WWOX: variants seen among roughly 807,000 people sequenced by gnomAD.
WWOX encodes the protein WW domain-containing oxidoreductase.
In WWOX, 69 loss-of-function variants were observed where a neutral mutation model predicts 46.2. The ratio of observed to expected loss-of-function variants is 1.49; its 90% CI spans 1.23 to 1.82. The LOEUF (loss-of-function observed/expected upper bound fraction) is 1.82, where lower values mean the gene tolerates loss of function less well. Among genes scored for constraint, WWOX ranks in the 40% most tolerant of loss-of-function variants. The pLI is 0.00. For synonymous variants in WWOX, 359 were observed against 202.6 expected, an observed-to-expected ratio of 1.77 and a Z score of -6.56; for missense variants, 919 against 542.6, an observed-to-expected ratio of 1.69 and a Z score of -6.89.
chr16:78,140,757 C>T (rs1297981955), intron 4 of WWOX, among the ~76,000 whole-genome samples: 2 of 152,158 alleles, frequency 1.3e-5, no homozygotes, highest in East Asian at 1.9e-4. Flanking sequence ...TGCAAAGGCC[C>T]TGTTTCCAAG....
intron 8 of WWOX, chr16:78,890,695 T>G (rs972174625): frequency 1.3e-5 from 2 of 152,254 alleles, no homozygotes; most frequent in African/African-American, 4.8e-5. Flanking sequence ...TGAGCGTGCC[T>G]TGTCTATGGG....
chr16:78,353,565 C>G (rs2081225248), intron 5 of WWOX, among the ~76,000 whole-genome samples: 1 of 152,260 alleles, frequency 6.6e-6, no homozygotes, highest in African/African-American at 2.4e-5. Context: ...TAATCCTTAG[C>G]TATATTCTTG....
At chr16:78,765,537 G>A (rs994063768) in intron 8 of WWOX, among the ~76,000 whole-genome samples, 1 of 152,144 alleles carries the variant, frequency 6.6e-6, no homozygotes. Context: ...AAATTAGCCA[G>A]GTGTGATAGC....
chr16:79,196,871 G>A (rs1400943292), intron 8 of WWOX, among the ~76,000 whole-genome samples: 1 of 152,152 alleles, frequency 6.6e-6, no homozygotes, highest in Non-Finnish European at 1.5e-5. Flanking sequence ...GGCAGATCTG[G>A]ATCTGAATCC....
intron 8 of WWOX, among the ~76,000 whole-genome samples, chr16:78,866,978 T>A (rs538791260): frequency 6.6e-6 from 1 of 152,342 alleles, no homozygotes; most frequent in Admixed American, 6.5e-5. Context: ...GCCAAAGGGT[T>A]TCAAATTTGT....
intron 8 of WWOX, among the ~76,000 whole-genome samples, chr16:78,985,507 C>T (rs147561766): frequency 2.0e-5 from 3 of 152,276 alleles, no homozygotes; most frequent in Admixed American, 6.5e-5. Flanking sequence ...CGGTGGCTCA[C>T]GCTGTAATCC....
chr16:78,678,261 G>C (rs2047650072), intron 8 of WWOX, among the ~76,000 whole-genome samples: 1 of 152,114 alleles, frequency 6.6e-6, no homozygotes, highest in Non-Finnish European at 1.5e-5. Flanking sequence ...CTGTAATCCT[G>C]GCTACTCAGG....
At chr16:78,566,975 T>G (rs2044584655) in intron 8 of WWOX, among the ~76,000 whole-genome samples, 1 of 152,204 alleles carries the variant, frequency 6.6e-6, no homozygotes, top group Non-Finnish European at 1.5e-5. Flanking sequence ...ACCAGTGTAA[T>G]CATAGCAGAA....
At position 78,364,857 on chromosome 16, in the gene WWOX, C is replaced by A. The variant is rs149876176; in HGVS notation, c.517-22003C>A. The stretch of plus-strand genomic sequence containing the variant: ...TGTTTTCTGTGCTTTTTCCTACATG[C>A]AGTCGTTTTGGCCTTTTTCTGATTT... On this transcript the variant is annotated intron_variant, in intron 5 of 8. Transcript: ENST00000566780. Among the ~76,000 whole-genome samples the A allele has an allele frequency of 6.4e-4, 98 of 152,274 alleles. 1 individual carries two copies. The highest frequency in any genetic ancestry group is 2.3e-3 in the African/African-American group (96 of 41,544).
At chr16:78,999,191 C>T (rs1288445403) in intron 8 of WWOX, among the ~76,000 whole-genome samples, 1 of 151,406 alleles carries the variant, frequency 6.6e-6, no homozygotes, top group African/African-American at 2.4e-5. Context: ...GCTGCATCAG[C>T]CAGGGGCAGC....
chr16:78,434,103 A>C (rs929595558), intron 8 of WWOX, among the ~76,000 whole-genome samples: 7 of 152,166 alleles, frequency 4.6e-5, no homozygotes, highest in African/African-American at 1.4e-4. Context: ...GATGACTTTT[A>C]AAACCACATC....
At chr16:78,766,539 G>A (rs2049928465) in intron 8 of WWOX, among the ~76,000 whole-genome samples, 5 of 152,198 alleles carry the variant, frequency 3.3e-5, no homozygotes. Context: ...AGTGAGCTGT[G>A]ATTGTGCTGT....
At chr16:78,684,968 G>A (rs915006522) in intron 8 of WWOX, among the ~76,000 whole-genome samples, 3 of 152,176 alleles carry the variant, frequency 2.0e-5, no homozygotes, top group African/African-American at 4.8e-5. Flanking sequence ...TGCATCGTGG[G>A]CCTCTTTGGG....
chr16:78,325,951 A>G (rs2080602854), intron 5 of WWOX, among the ~76,000 whole-genome samples: 1 of 152,246 alleles, frequency 6.6e-6, no homozygotes, highest in African/African-American at 2.4e-5. Flanking sequence ...CTCAGCACAT[A>G]CAACATCATT....
intron 8 of WWOX, among the ~76,000 whole-genome samples, chr16:79,196,867 T>C (rs1044188462): frequency 2.0e-5 from 3 of 152,178 alleles, no homozygotes; most frequent in African/African-American, 7.2e-5. Flanking sequence ...GTCTGGCAGA[T>C]CTGGATCTGA....
At chr16:78,497,480 T>A (rs887962969) in intron 8 of WWOX, among the ~76,000 whole-genome samples, 11 of 151,916 alleles carry the variant, frequency 7.2e-5, no homozygotes, top group African/African-American at 2.7e-4. Context: ...ATTACAACAA[T>A]CTAAAAAATT....
rs999106866 is a variant in WWOX, at chr16:78,116,369, T to C, written c.409+1215T>C. ...GGAGGCACAGGAGGTAAAAATACAT[T>C]GTTCAAGGGTCAATTATTGTGTTGT... On this transcript the variant is annotated intron_variant, in intron 4 of 8. Coordinates refer to ENST00000566780, the MANE Select transcript of WWOX (RefSeq NM_016373.4). 5.9e-5 allele frequency among the ~76,000 whole-genome samples: 9 copies of C among 152,312 alleles called. No homozygotes were observed. The South Asian group carries it at 1.2e-3, about 21-fold the overall frequency.
At chr16:78,376,645 C>G (rs1416054510) in intron 5 of WWOX, among the ~76,000 whole-genome samples, 2 of 152,142 alleles carry the variant, frequency 1.3e-5, no homozygotes, top group African/African-American at 4.8e-5. Flanking sequence ...CTGTTCTGTT[C>G]GTTGTAAGAT....
intron 6 of WWOX, among the ~76,000 whole-genome samples, chr16:78,414,540 C>T (rs756652453): frequency 2.0e-5 from 3 of 152,176 alleles, no homozygotes; most frequent in Non-Finnish European, 2.9e-5. Context: ...GCACTCCAGC[C>T]TGCAATGCAG....
Sources: allele counts gnomAD v4.1 joint callset (sites outside exome capture counted in the v4.1 genomes callset), GRCh38; gene constraint gnomAD v4.1.1; transcripts MANE v1.5; gene names NCBI Gene and HGNC (gene_info 2026-07-23, HGNC 2026-07-21).